Variants in CHLSN observed in about 807,000 individuals in gnomAD.
CHLSN encodes cholesin.
the CHLSN span, among the ~76,000 whole-genome samples, chr7:1,004,650 T>G: frequency 6.6e-6 from 1 of 152,086 alleles, no homozygotes; most frequent in African/African-American, 2.4e-5. Context: ...GGGTGCTCAG[T>G]GTCGCCTGTG....
chr7:997,954 C>A, the CHLSN span: 1 of 648,424 alleles, frequency 1.5e-6, no homozygotes, highest in Non-Finnish European at 2.6e-6. Context: ...TGGCCACAGA[C>A]CCTGCCCCAG....
At chr7:1,023,675 A>C in the CHLSN span, among the ~76,000 whole-genome samples, 248 of 98,636 alleles carry the variant, frequency 2.5e-3, no homozygotes, top group African/African-American at 8.3e-3. The surrounding 1 kb of genome is among the most constrained non-coding windows in gnomAD (Gnocchi z 5.0). Context: ...ACACACACAC[A>C]CACCAGCAAC....
At chr7:996,576 G>A in the CHLSN span, among the ~76,000 whole-genome samples, 2 of 152,182 alleles carry the variant, frequency 1.3e-5, no homozygotes, top group African/African-American at 4.8e-5. Flanking sequence ...AGCCCTCCCC[G>A]GGGCCCATCC....
At chr7:994,915 C>T in the CHLSN span, among the ~76,000 whole-genome samples, 1 of 152,388 alleles carries the variant, frequency 6.6e-6, no homozygotes, top group African/African-American at 2.4e-5. Context: ...TGGCCCCTCA[C>T]TTGGCACAAA....
the CHLSN span, among the ~76,000 whole-genome samples, chr7:1,083,460 T>TA: frequency 2.8e-3 from 424 of 149,338 alleles, 2 homozygotes; most frequent in Non-Finnish European, 4.4e-3. Flanking sequence ...CCATCTCTAC[T>TA]AAAAAAAAAT....
At chr7:1,094,239 C>A in the CHLSN span, among the ~76,000 whole-genome samples, 1 of 152,216 alleles carries the variant, frequency 6.6e-6, no homozygotes, top group African/African-American at 2.4e-5. Flanking sequence ...CTGCTCCCCT[C>A]CTTTCCCGCC....
chr7:1,028,824 T>A, the CHLSN span: 9 of 446,320 alleles, frequency 2.0e-5, no homozygotes, highest in African/African-American at 3.7e-4. Context: ...ATGGCCCCCA[T>A]CTCCTCCAGT....
the CHLSN span, among the ~76,000 whole-genome samples, chr7:1,027,646 T>C: frequency 2.0e-5 from 3 of 152,252 alleles, no homozygotes; most frequent in Non-Finnish European, 2.9e-5. Context: ...CATGAGTCTT[T>C]GCTTTAGTTG....
the CHLSN span, among the ~76,000 whole-genome samples, chr7:979,333 C>T: frequency 5.5e-3 from 831 of 152,132 alleles, 9 homozygotes; most frequent in African/African-American, 0.019. Context: ...GAGCCAAATG[C>T]GATCGTCAAA....
the CHLSN span, among the ~76,000 whole-genome samples, chr7:1,040,843 G>A: frequency 2.8e-4 from 43 of 152,350 alleles, no homozygotes; most frequent in African/African-American, 7.5e-4. Flanking sequence ...CTAGCGTCTA[G>A]AACACATAAA....
chr7:989,472 C>G, the CHLSN span: 1 of 153,776 alleles, frequency 6.5e-6, no homozygotes, highest in East Asian at 1.9e-4. Flanking sequence ...AGACAAGCAG[C>G]ACTGCAGTGG....
chr7:991,693 T>C, the CHLSN span, among the ~76,000 whole-genome samples: 1 of 152,226 alleles, frequency 6.6e-6, no homozygotes, highest in Non-Finnish European at 1.5e-5. Context: ...TTTGTTGCTA[T>C]TTTTAAAAAT....
At chr7:1,037,624 G>A in the CHLSN span, among the ~76,000 whole-genome samples, 3 of 143,776 alleles carry the variant, frequency 2.1e-5, no homozygotes, top group African/African-American at 4.9e-5. Context: ...CGCCTGCCTT[G>A]GCCTCCCAAA....
chr7:1,107,818 G>A, the CHLSN span, among the ~76,000 whole-genome samples: 1 of 151,020 alleles, frequency 6.6e-6, no homozygotes, highest in Non-Finnish European at 1.5e-5. Context: ...GCAGAGGAGG[G>A]CTGTGTCCCA....
the CHLSN span, among the ~76,000 whole-genome samples, chr7:1,036,853 T>C: frequency 6.7e-6 from 1 of 148,302 alleles, no homozygotes. Flanking sequence ...CTCATGCCTG[T>C]AGTCCCATCA....
the CHLSN span, chr7:984,313 T>C: frequency 2.1e-6 from 3 of 1,444,234 alleles, no homozygotes; most frequent in Non-Finnish European, 2.7e-6. Flanking sequence ...CCATTTTCCC[T>C]CTGTCCCCAC....
chr7:1,028,692 C>T, the CHLSN span: 3 of 741,222 alleles, frequency 4.0e-6, no homozygotes, highest in African/African-American at 6.2e-5. Context: ...TCATCTCCCC[C>T]ATCTGCCTCC....
the CHLSN span, among the ~76,000 whole-genome samples, chr7:1,053,054 A>G: frequency 6.6e-6 from 1 of 152,208 alleles, no homozygotes; most frequent in East Asian, 1.9e-4. Flanking sequence ...GAAAGAAGGC[A>G]CAGCGGGCCT....
the CHLSN span, among the ~76,000 whole-genome samples, chr7:1,111,881 A>G: frequency 6.6e-6 from 1 of 152,130 alleles, no homozygotes; most frequent in Non-Finnish European, 1.5e-5. Flanking sequence ...AAAAGCAAAC[A>G]TGCCCACTGC....
Sources: allele counts gnomAD v4.1 joint callset (sites outside exome capture counted in the v4.1 genomes callset), GRCh38; gene constraint gnomAD v4.1.1; non-coding constraint Gnocchi (gnomAD v3.1); transcripts MANE v1.5; gene names NCBI Gene and HGNC (gene_info 2026-07-23, HGNC 2026-07-21).